Variants in CALN1 observed in about 807,000 individuals in gnomAD.
CALN1 encodes calneuron 1.
In CALN1, 17 loss-of-function variants were observed where a neutral mutation model predicts 30.6. The ratio of observed to expected loss-of-function variants is 0.56; its 90% CI spans 0.38 to 0.83. The LOEUF is 0.83. CALN1 is among the 40% of genes least tolerant of loss of function. The pLI is 0.00. For missense variants in CALN1, 291 were observed against 354.9 expected (o/e 0.82, Z 1.45); for synonymous variants, 156 against 131.4 (o/e 1.19, Z -1.28).
chr7:72,008,471 AT>A (rs1799896046), intron 5 of CALN1, among the ~76,000 whole-genome samples: 1 of 113,058 alleles, frequency 8.8e-6, no homozygotes, highest in Admixed American at 8.0e-5. Context: ...ATTATAAATG[AT>A]AATAAATGAT....
intron 3 of CALN1, among the ~76,000 whole-genome samples, chr7:72,179,491 A>G (rs1219042162): frequency 6.6e-6 from 1 of 152,204 alleles, no homozygotes; most frequent in East Asian, 1.9e-4. Context: ...CTAATGGAGA[A>G]TCTTGTCTCA....
At chr7:72,441,575 G>A (rs1259991503) in intron 1 of CALN1, among the ~76,000 whole-genome samples, 1 of 130,892 alleles carries the variant, frequency 7.6e-6, no homozygotes, top group Non-Finnish European at 1.5e-5. Flanking sequence ...TCCAGCCTGA[G>A]CAACAGAGCG....
chr7:71,798,548 C>T (rs148785635), intron 6 of CALN1, among the ~76,000 whole-genome samples: 4,413 of 151,810 alleles, frequency 0.029, 209 homozygotes, highest in African/African-American at 0.099. Context: ...TCAAGTGATC[C>T]TCCCACCTTT....
At chr7:71,984,098 G>A (rs80245401) in intron 5 of CALN1, among the ~76,000 whole-genome samples, 7,598 of 152,172 alleles carry the variant, frequency 0.05, 608 homozygotes, top group East Asian at 0.33. Context: ...CTCTTACAAA[G>A]GAGGAAAGAA....
At chr7:72,456,950 G>A in the CALN1 span, among the ~76,000 whole-genome samples, 1 of 151,956 alleles carries the variant, frequency 6.6e-6, no homozygotes, top group South Asian at 2.1e-4. Flanking sequence ...ACTTGAACAA[G>A]GGTATACAAT....
At chr7:71,810,279 A>C in intron 6 of CALN1, 57 bp downstream of exon 6, 1 of 1,555,274 alleles carries the variant, frequency 6.4e-7, no homozygotes, top group Non-Finnish European at 8.7e-7. Flanking sequence ...TCATATAGAG[A>C]GTGTGGTGCA....
intron 5 of CALN1, among the ~76,000 whole-genome samples, chr7:71,897,391 A>C (rs1393713895): frequency 6.6e-6 from 1 of 152,184 alleles, no homozygotes; most frequent in African/African-American, 2.4e-5. Flanking sequence ...TAAGAGAGAA[A>C]GAAGGGGGAT....
chr7:72,040,474 G>A (rs2129533734), intron 4 of CALN1, among the ~76,000 whole-genome samples: 1 of 152,192 alleles, frequency 6.6e-6, no homozygotes, highest in African/African-American at 2.4e-5. Flanking sequence ...AACAGAGAAA[G>A]ACCCTGTCTC....
chr7:72,430,734 T>C (rs1236699059), intron 1 of CALN1, among the ~76,000 whole-genome samples: 2 of 152,132 alleles, frequency 1.3e-5, no homozygotes. Flanking sequence ...GTACCTGCGC[T>C]CTGCATGGTA....
intron 3 of CALN1, among the ~76,000 whole-genome samples, chr7:72,269,357 C>A (rs879849171): frequency 6.6e-6 from 1 of 151,906 alleles, no homozygotes; most frequent in African/African-American, 2.4e-5. Flanking sequence ...ATCCCTCCCC[C>A]CTGCCCCCAC....
chr7:71,876,838 C>G (rs778224587), intron 5 of CALN1, among the ~76,000 whole-genome samples: 10 of 152,162 alleles, frequency 6.6e-5, no homozygotes, highest in Non-Finnish European at 1.0e-4. Context: ...TCCGACCCAC[C>G]ACATTATTAC....
At chr7:72,411,911 C>T (rs921818137) in intron 1 of CALN1, 147 bp downstream of exon 1, 1 of 152,010 alleles carries the variant, frequency 6.6e-6, no homozygotes, top group Non-Finnish European at 1.5e-5. Flanking sequence ...TATCATAAAC[C>T]GATAAAGAAA....
intron 4 of CALN1, among the ~76,000 whole-genome samples, chr7:72,036,203 A>T (rs1801788589): frequency 6.6e-6 from 1 of 152,214 alleles, no homozygotes; most frequent in South Asian, 2.1e-4. Context: ...TTCTGGTGAG[A>T]AACATGCTGA....
chr7:72,170,605 C>T (rs772807798), intron 3 of CALN1, among the ~76,000 whole-genome samples: 5 of 152,224 alleles, frequency 3.3e-5, no homozygotes, highest in African/African-American at 4.8e-5. Context: ...CAGGCACGCA[C>T]ATAAAGAGAG....
At chr7:72,363,477 G>T (rs1281662434) in intron 2 of CALN1, among the ~76,000 whole-genome samples, 1 of 152,072 alleles carries the variant, frequency 6.6e-6, no homozygotes, top group Admixed American at 6.6e-5. Flanking sequence ...GACCTCAGGT[G>T]ATCTGCCTGC....
At chr7:72,279,729 C>A (rs1797605872) in intron 2 of CALN1, among the ~76,000 whole-genome samples, 1 of 152,240 alleles carries the variant, frequency 6.6e-6, no homozygotes, top group Admixed American at 6.5e-5. Context: ...AGATTATCTT[C>A]TCCAAAGCAG....
At chr7:71,961,781 G>C (rs1797259491) in intron 5 of CALN1, among the ~76,000 whole-genome samples, 1 of 152,110 alleles carries the variant, frequency 6.6e-6, no homozygotes, top group Non-Finnish European at 1.5e-5. Flanking sequence ...AAGGGCAGCA[G>C]AAGAGAGAGG....
the CALN1 span, among the ~76,000 whole-genome samples, chr7:72,482,978 G>A: frequency 1.3e-5 from 2 of 152,062 alleles, no homozygotes; most frequent in Admixed American, 6.5e-5. Flanking sequence ...CTTGCTGAAC[G>A]TTGACTTCTA....
intron 3 of CALN1, among the ~76,000 whole-genome samples, chr7:72,182,357 A>C (rs1278574914): frequency 6.6e-6 from 1 of 152,180 alleles, no homozygotes; most frequent in East Asian, 1.9e-4. Flanking sequence ...CCATCAGAAT[A>C]GAGATGAGCA....
Sources: gnomAD v4.1 joint callset for allele counts (sites outside exome capture counted in the v4.1 genomes callset) on GRCh38, gnomAD v4.1.1 for gene constraint, MANE v1.5 for transcripts, NCBI Gene and HGNC (gene_info 2026-07-23, HGNC 2026-07-21) for gene names.